Variants in ZDHHC11 observed in about 807,000 individuals in gnomAD.
ZDHHC11 encodes the protein palmitoyltransferase ZDHHC11.
In ZDHHC11, 44 loss-of-function variants were observed where a neutral mutation model predicts 51.3. That is an observed-to-expected ratio of 0.86 (90% CI 0.67 to 1.10). The LOEUF is 1.10. ZDHHC11 is among the 50% of genes least tolerant of loss of function. ZDHHC11 has a pLI of 0.00. For synonymous variants in ZDHHC11, 163 were observed against 222.0 expected, an observed-to-expected ratio of 0.73 and a Z score of 2.36; for missense variants, 400 against 537.7, an observed-to-expected ratio of 0.74 and a Z score of 2.53.
At position 809,432 on chromosome 5, in the gene ZDHHC11, C is replaced by A. The variant is rs559401578; in HGVS notation, c.1181+5329G>T. On this transcript the variant is annotated intron_variant, in intron 11 of 12. Transcript: ENST00000283441. ...GCTCCCAAATGTGGGTCCCGGATGACAGGATTCGTGAGTGCCTTCAGAACA... is the reference window on the plus strand; with the variant it reads ...GCTCCCAAATGTGGGTCCCGGATGAAAGGATTCGTGAGTGCCTTCAGAACA... 3.8e-4 allele frequency among the ~76,000 whole-genome samples: 57 copies of A among 148,308 alleles called. 1 individual carries two copies. The highest frequency in any genetic ancestry group is 1.4e-3 in the African/African-American group (54 of 39,080).
At chr5:803,726 AC>A (rs1351504061) in intron 11 of ZDHHC11, among the ~76,000 whole-genome samples, 1 of 151,036 alleles carries the variant, frequency 6.6e-6, no homozygotes, top group East Asian at 1.9e-4. Context: ...TGCTCAGTAA[AC>A]TACAGGAAGT....
At chr5:798,595 G>T (rs1236942839) in intron 12 of ZDHHC11, among the ~76,000 whole-genome samples, 4 of 150,330 alleles carry the variant, frequency 2.7e-5, no homozygotes, top group Non-Finnish European at 4.4e-5. Flanking sequence ...GTACTTTCTG[G>T]GATTATGTAA....
chr5:821,173 C>CTT (rs1333403340), intron 9 of ZDHHC11: 8,093 of 151,348 alleles, frequency 0.053, 784 homozygotes, highest in African/African-American at 0.18. Context: ...CTCTGCTGCT[C>CTT]CCCCCGGGGC....
At chr5:845,438 G>A (rs1298654812) in intron 3 of ZDHHC11, among the ~76,000 whole-genome samples, 1 of 146,552 alleles carries the variant, frequency 6.8e-6, no homozygotes, top group Non-Finnish European at 1.5e-5. Flanking sequence ...TCCTCTCCCC[G>A]CAGCCACCCA....
chr5:815,180 G>C lies in ZDHHC11; in HGVS notation c.1147-385C>G, dbSNP rs144941671. Among the ~76,000 whole-genome samples, 94 of 151,640 alleles carry C rather than the reference G, an allele frequency of 6.2e-4. 4 individuals carry two copies. The Middle Eastern group carries it at 0.02, about 33-fold the overall frequency. ...GAGACACAAACTGAGGGAAGACTGG[G>C]AGGACACAGAGAACAGGTGGCCATC... On this transcript the variant is annotated intron_variant, in intron 10 of 12. Transcript: ENST00000283441.
intron 8 of ZDHHC11, among the ~76,000 whole-genome samples, chr5:824,628 CACACCACACACA>C (rs1742039058): frequency 6.6e-6 from 1 of 151,522 alleles, no homozygotes; most frequent in African/African-American, 2.4e-5. Context: ...CACGTGACCA[CACACCACACACA>C]AAACCACACA....
intron 8 of ZDHHC11, 57 bp downstream of exon 8, chr5:825,107 C>T (rs1428389913): frequency 3.2e-6 from 5 of 1,546,578 alleles, no homozygotes; most frequent in Non-Finnish European, 3.6e-6. Context: ...GACCCGAGAC[C>T]ACATATTCTG....
Position 840,476 on chromosome 5 carries a change from C to A in ZDHHC11, c.784+19G>T, listed in dbSNP as rs745754713. On this transcript the variant is annotated intron_variant, in intron 5 of 12. Coordinates refer to ENST00000283441, the MANE Select transcript of ZDHHC11 (RefSeq NM_024786.3). ...CACCCAGCCTTGGGGGGATCGGGGG[C>A]TTAGGGTGGGGGACATACTCAGGTA... The A allele has an allele frequency of 6.2e-7, 1 of 1,613,188 alleles. No homozygotes were observed. The highest frequency in any genetic ancestry group is 8.5e-7 in the Non-Finnish European group (1 of 1,179,866).
chr5:809,019 A>ACATG (rs1739728475), intron 11 of ZDHHC11, among the ~76,000 whole-genome samples: 3 of 148,284 alleles, frequency 2.0e-5, no homozygotes, highest in South Asian at 2.1e-4. Flanking sequence ...ACACACGCAC[A>ACATG]CTATTTATTC....
At chr5:854,072 C>A (rs1368300135), upstream of ZDHHC11, among the ~76,000 whole-genome samples, 5 of 131,382 alleles carry the variant, frequency 3.8e-5, no homozygotes, top group Admixed American at 7.5e-5. Context: ...CAGACCCCAC[C>A]GAGGACAGCG....
At chr5:807,394 G>A (rs1036282389) in intron 11 of ZDHHC11, among the ~76,000 whole-genome samples, 6 of 151,322 alleles carry the variant, frequency 4.0e-5, no homozygotes, top group Non-Finnish European at 7.4e-5. Flanking sequence ...GGGGTGCAAG[G>A]ACTTGGAATA....
Position 840,471 on chromosome 5 carries a change from G to A in ZDHHC11, c.784+24C>T, listed in dbSNP as rs113260914. 2.6e-3 allele frequency: 4,143 copies of A among 1,612,034 alleles called. 9 individuals carry two copies. In the African/African-American group the frequency reaches 0.043, roughly 17 times the overall value. On this transcript the variant is annotated intron_variant, in intron 5 of 12. Coordinates refer to ENST00000283441, the MANE Select transcript of ZDHHC11 (RefSeq NM_024786.3). ...CTGACCACCCAGCCTTGGGGGGATC[G>A]GGGGCTTAGGGTGGGGGACATACTC...
At position 813,110 on chromosome 5, in the gene ZDHHC11, G is replaced by A. The variant is rs1469552428; in HGVS notation, c.1181+1651C>T. Among the ~76,000 whole-genome samples the A allele has an allele frequency of 4.1e-5, 6 of 145,260 alleles. 1 individual carries two copies. Among genetic ancestry groups the A allele is most frequent in the Non-Finnish European group, 9.0e-5 (6 of 66,912 alleles). On this transcript the variant is annotated intron_variant, in intron 11 of 12. Transcript: ENST00000283441. ...CCAACACTTTAGGAGGCTGAGGCAG[G>A]CAAATCGCTTGAGCTCAGGAGTTCG...
intron 3 of ZDHHC11, among the ~76,000 whole-genome samples, chr5:845,068 C>G (rs1394335639): frequency 6.6e-6 from 1 of 152,296 alleles, no homozygotes; most frequent in African/African-American, 2.4e-5. Flanking sequence ...CGCAGTCCTC[C>G]GAAGAGGCAG....
chr5:835,839 T>A (rs1743758786), intron 6 of ZDHHC11, among the ~76,000 whole-genome samples: 1 of 151,900 alleles, frequency 6.6e-6, no homozygotes, highest in East Asian at 1.9e-4. Flanking sequence ...TCTTTTTTTA[T>A]TAGACTATGA....
chr5:828,079 C>T (rs1579660755), intron 7 of ZDHHC11, among the ~76,000 whole-genome samples: 1 of 151,388 alleles, frequency 6.6e-6, no homozygotes, highest in South Asian at 2.1e-4. Context: ...TCAACAGGAT[C>T]CCAAGGCAGA....
chr5:837,736 C>T (rs1054497818), intron 5 of ZDHHC11, among the ~76,000 whole-genome samples: 8 of 151,874 alleles, frequency 5.3e-5, no homozygotes, highest in Non-Finnish European at 8.8e-5. Context: ...CACGCCCCTG[C>T]CGCCTGCCAC....
chr5:806,969 GCAC>G (rs1739350418), intron 11 of ZDHHC11, among the ~76,000 whole-genome samples: 1 of 151,110 alleles, frequency 6.6e-6, no homozygotes, highest in South Asian at 2.1e-4. Context: ...TCTAGCAATT[GCAC>G]CACTAGGAAT....
At chr5:818,380 G>A (rs1414776280) in intron 10 of ZDHHC11, among the ~76,000 whole-genome samples, 1 of 151,732 alleles carries the variant, frequency 6.6e-6, no homozygotes, top group Non-Finnish European at 1.5e-5. Context: ...GTGCAGGGAA[G>A]GGGCAAGGCT....
Sources: allele counts gnomAD v4.1 joint callset (sites outside exome capture counted in the v4.1 genomes callset), GRCh38; gene constraint gnomAD v4.1.1; transcripts MANE v1.5; gene names NCBI Gene and HGNC (gene_info 2026-07-23, HGNC 2026-07-21).